IRGM: variants seen among roughly 807,000 people sequenced by gnomAD.
The protein encoded by IRGM is immunity related GTPase M.
For missense variants in IRGM, 288 were observed against 219.9 expected (o/e 1.31, Z -1.96); for synonymous variants, 98 against 80.6 (o/e 1.22, Z -1.16).
At chr5:150,892,616 GA>G (rs1219297953) in intron 3 of IRGM, among the ~76,000 whole-genome samples, 36 of 152,086 alleles carry the variant, frequency 2.4e-4, no homozygotes, top group Admixed American at 2.1e-3. Context: ...TAACTAGAAA[GA>G]GTCAAGTAAA....
At position 150,846,971 on chromosome 5, in the gene IRGM, C is replaced by T. The variant is rs2113242555; in HGVS notation, c.-665C>T. On this transcript the variant is annotated 5_prime_UTR_variant, in exon 1 of 2. Transcript: ENST00000522154. Reference sequence around the variant, plus strand: ...ATCACATCACCTTCTTTTAATCAGTCTCAAATACCTGGCCCCTTGTGGAAC... The same window carrying T: ...ATCACATCACCTTCTTTTAATCAGTTTCAAATACCTGGCCCCTTGTGGAAC... The T allele has an allele frequency of 6.6e-6, 1 of 152,562 alleles. No individual in the cohort carries two copies. Among genetic ancestry groups the T allele is most frequent in the African/African-American group, 2.4e-5 (1 of 41,580 alleles). The allele number at this position is 152,562 out of a possible 1,614,324, so 9.5% of individuals were successfully genotyped here. A position where few individuals can be genotyped will look rare whatever the true frequency, so the allele number is the denominator to read the frequency against.
chr5:150,849,327 A>G (rs1408520163), downstream of IRGM, among the ~76,000 whole-genome samples: 1 of 150,516 alleles, frequency 6.6e-6, no homozygotes, highest in Non-Finnish European at 1.5e-5. Context: ...CTTATGGTTT[A>G]TAAGGAATGC....
At chr5:150,876,173 A>C (rs1754359788) in intron 1 of IRGM, among the ~76,000 whole-genome samples, 1 of 152,240 alleles carries the variant, frequency 6.6e-6, no homozygotes, top group Non-Finnish European at 1.5e-5. Context: ...ACTATGTGAC[A>C]ATACTTTGCA....
At position 150,877,479 on chromosome 5, in the gene IRGM, T is replaced by G. The variant is rs146017608; in HGVS notation, c.159-501T>G. 2.7e-3 allele frequency among the ~76,000 whole-genome samples: 410 copies of G among 152,304 alleles called. 1 individual carries two copies. Among genetic ancestry groups the G allele is most frequent in the African/African-American group, 9.5e-3 (394 of 41,572 alleles). ...TTGGTATTCAGACTGGCTTCCTTGC[T>G]CCTTAGCTTGCACACGGCCTACTGT... On this transcript the variant is annotated intron_variant and NMD_transcript_variant, in intron 1 of 3. Coordinates refer to the IRGM transcript ENST00000520549.
chr5:150,898,695 C>G, intron 3 of IRGM: 1 of 895,626 alleles, frequency 1.1e-6, no homozygotes, highest in Admixed American at 2.8e-5. Flanking sequence ...GCAAGCAGAG[C>G]CAGGCATATG....
Position 150,848,558 on chromosome 5 carries a change from G to T in IRGM, c.435G>T (p.Trp145Cys). 1 of 1,551,796 alleles carries T rather than the reference G, an allele frequency of 6.4e-7. No individual in the cohort carries two copies. The highest frequency in any genetic ancestry group is 8.7e-7 in the Non-Finnish European group (1 of 1,146,970). Residue 145 changes from tryptophan (W) to cysteine (C), a missense_variant, in exon 2 of 2, where the codon TGG (tryptophan) becomes TGT (cysteine). Trp to Cys is a radical substitution (Grantham distance 215). Coordinates refer to ENST00000522154, the MANE Select transcript of IRGM (RefSeq NM_001145805.2). ...EDMGKKFYIV[W>C]TKLDMDLSTG... ...TGGGAAAGAAGTTCTACATTGTCTG[G>T]ACCAAGCTAGACATGGACCTCAGCA...
intron 1 of IRGM, among the ~76,000 whole-genome samples, chr5:150,861,294 C>T (rs947542546): frequency 4.6e-5 from 7 of 152,192 alleles, no homozygotes; most frequent in Non-Finnish European, 8.8e-5. Flanking sequence ...TCTCAGAGTT[C>T]CTTCAAAGTA....
chr5:150,860,148 C>T (rs946517083), intron 1 of IRGM, among the ~76,000 whole-genome samples: 6 of 152,060 alleles, frequency 3.9e-5, no homozygotes, highest in African/African-American at 9.7e-5. Context: ...ACAATTTAAA[C>T]GTAAATTTAT....
At chr5:150,872,923 G>A (rs761148434) in intron 1 of IRGM, among the ~76,000 whole-genome samples, 2 of 152,214 alleles carry the variant, frequency 1.3e-5, no homozygotes, top group Non-Finnish European at 1.5e-5. Flanking sequence ...AAACAGATTC[G>A]TGAGGGCAGC....
intron 3 of IRGM, among the ~76,000 whole-genome samples, chr5:150,884,852 C>T (rs3900064): frequency 1.3e-5 from 2 of 151,908 alleles, no homozygotes; most frequent in African/African-American, 4.8e-5. Flanking sequence ...AATATTTTCT[C>T]CACCCTGTAG....
chr5:150,891,606 C>T (rs965072871), intron 3 of IRGM, among the ~76,000 whole-genome samples: 1 of 151,816 alleles, frequency 6.6e-6, no homozygotes, highest in Non-Finnish European at 1.5e-5. Context: ...TTAGCTTTTC[C>T]CAATCTACTG....
At chr5:150,866,641 T>A (rs543242751) in intron 1 of IRGM, among the ~76,000 whole-genome samples, 1 of 152,250 alleles carries the variant, frequency 6.6e-6, no homozygotes, top group East Asian at 1.9e-4. Flanking sequence ...AGTGAAAATA[T>A]CCCATGTACA....
At chr5:150,850,353 T>C (rs1753956611), downstream of IRGM, among the ~76,000 whole-genome samples, 1 of 152,138 alleles carries the variant, frequency 6.6e-6, no homozygotes, top group Non-Finnish European at 1.5e-5. Context: ...TCAAAGGAGG[T>C]CTTCATATAC....
rs554976762 is a variant in IRGM, at chr5:150,895,812, C to T, written c.*141-4777C>T. Reference sequence around the variant, plus strand: ...CTGATGTATGATGAGCTGTGACTTGCGGGAGAATGTCTTTCCACATTCAGT... The same window carrying T: ...CTGATGTATGATGAGCTGTGACTTGTGGGAGAATGTCTTTCCACATTCAGT... On this transcript the variant is annotated intron_variant and NMD_transcript_variant, in intron 3 of 3. Transcript: ENST00000520549. 1.1e-5 allele frequency: 18 copies of T among 1,612,954 alleles called. No homozygotes were observed. Among genetic ancestry groups the T allele is most frequent in the African/African-American group, 9.4e-5 (7 of 74,724 alleles).
intron 1 of IRGM, among the ~76,000 whole-genome samples, chr5:150,857,780 GT>G (rs1487936485): frequency 6.6e-6 from 1 of 152,060 alleles, no homozygotes; most frequent in African/African-American, 2.4e-5. Context: ...GGGGTTGTTT[GT>G]TTTTTTCTTG....
Position 150,847,848 on chromosome 5 carries a change from G to T in IRGM, c.-276G>T. 2.7e-6 allele frequency: 1 copy of T among 375,772 alleles called. No individual in the cohort carries two copies. The highest frequency in any genetic ancestry group is 4.9e-6 in the Non-Finnish European group (1 of 206,116). The allele number at this position is 375,772 out of a possible 1,614,324, so 23.3% of individuals were successfully genotyped here. A position where few individuals can be genotyped will look rare whatever the true frequency, so the allele number is the denominator to read the frequency against. ...AGATGGAGTCTTGCTCTGTTGCCAG[G>T]CTGGAGTGCAATGGCGTGATCTCAG... On this transcript the variant is annotated 5_prime_UTR_variant, in exon 2 of 2. Coordinates refer to ENST00000522154, the MANE Select transcript of IRGM (RefSeq NM_001145805.2).
chr5:150,863,214 A>C (rs1191224118), intron 1 of IRGM, among the ~76,000 whole-genome samples: 3 of 152,270 alleles, frequency 2.0e-5, no homozygotes, highest in Non-Finnish European at 2.9e-5. Flanking sequence ...AACAGAGCAC[A>C]GGAATATAAT....
At chr5:150,872,454 A>G (rs1754299194) in intron 1 of IRGM, among the ~76,000 whole-genome samples, 1 of 152,192 alleles carries the variant, frequency 6.6e-6, no homozygotes, top group Non-Finnish European at 1.5e-5. Context: ...ACCTATAACT[A>G]GAAGCAGGCC....
chr5:150,888,217 CAAAG>C (rs1340737211), intron 3 of IRGM, among the ~76,000 whole-genome samples: 12 of 151,832 alleles, frequency 7.9e-5, no homozygotes, highest in African/African-American at 2.7e-4. Context: ...TTTAGAAAGA[CAAAG>C]AAGGGCATTA....
Sources: allele counts gnomAD v4.1 joint callset (sites outside exome capture counted in the v4.1 genomes callset), GRCh38; gene constraint gnomAD v4.1.1; transcripts MANE v1.5; gene names NCBI Gene and HGNC (gene_info 2026-07-23, HGNC 2026-07-21).